Variants in RIN2 observed in about 807,000 individuals in gnomAD.
RIN2 encodes the protein Ras and Rab interactor 2, also known as RAB5 interacting protein 2.
RIN2 carries 36 observed loss-of-function variants against 78.0 expected under a neutral mutation model. That is an observed-to-expected ratio of 0.46 (90% CI 0.35 to 0.61). The LOEUF (loss-of-function observed/expected upper bound fraction) is 0.61, where lower values mean the gene tolerates loss of function less well. Ranked by LOEUF, RIN2 falls within the 20% of genes least tolerant of loss-of-function variation. RIN2 has a pLI of 0.00. For missense variants in RIN2, 1,087 were observed against 1,159.7 expected (o/e 0.94, Z 0.91); for synonymous variants, 466 against 466.8 (o/e 1.00, Z 0.02).
At chr20:19,924,448 T>C (rs377262406) in intron 3 of RIN2, among the ~76,000 whole-genome samples, 284 of 2,598 alleles carry the variant, frequency 0.11, no homozygotes, top group African/African-American at 0.21. Flanking sequence ...CTTCATACCC[T>C]CACCTTCATA....
chr20:19,788,784 T>C (rs761172725), intron 1 of RIN2, among the ~76,000 whole-genome samples: 1 of 152,008 alleles, frequency 6.6e-6, no homozygotes, highest in Non-Finnish European at 1.5e-5. Flanking sequence ...CCTAAATAGA[T>C]AGAAGGACAT....
intron 1 of RIN2, among the ~76,000 whole-genome samples, chr20:19,774,276 T>C (rs565023437): frequency 6.6e-6 from 1 of 152,282 alleles, no homozygotes; most frequent in South Asian, 2.1e-4. Context: ...AGCCCTGGGA[T>C]TGCTGAAGAG....
intron 2 of RIN2, among the ~76,000 whole-genome samples, chr20:19,820,475 C>A (rs972841741): frequency 6.6e-6 from 1 of 152,170 alleles, no homozygotes; most frequent in Non-Finnish European, 1.5e-5. Flanking sequence ...TTAGGAAATA[C>A]GAGAAGTGTG....
At chr20:19,839,101 G>A (rs986415415) in intron 2 of RIN2, among the ~76,000 whole-genome samples, 3 of 152,198 alleles carry the variant, frequency 2.0e-5, no homozygotes, top group African/African-American at 4.8e-5. Context: ...AGTGCTCAGC[G>A]CCTCATGGAT....
chr20:19,966,348 G>T (rs2041937753), intron 7 of RIN2, among the ~76,000 whole-genome samples: 1 of 150,220 alleles, frequency 6.7e-6, no homozygotes, highest in African/African-American at 2.4e-5. Flanking sequence ...TTGAGATGGA[G>T]TTTCACTTTT....
At chr20:19,835,012 A>AAAAGAGAGAGAGAAAAAAGAG (rs1568796446) in intron 2 of RIN2, among the ~76,000 whole-genome samples, 8 of 151,950 alleles carry the variant, frequency 5.3e-5, no homozygotes, top group African/African-American at 1.9e-4. Context: ...GAGAGAAAGA[A>AAAAGAGAGAGAGAAAAAAGAG]AAAGAGAGAG....
At chr20:19,887,434 G>A (rs922288134) in intron 2 of RIN2, among the ~76,000 whole-genome samples, 3 of 152,114 alleles carry the variant, frequency 2.0e-5, no homozygotes, top group African/African-American at 7.2e-5. Context: ...ACCTGCTGCT[G>A]CACCTGGCAG....
At chr20:19,864,758 C>T (rs532576806) in intron 2 of RIN2, among the ~76,000 whole-genome samples, 10 of 152,244 alleles carry the variant, frequency 6.6e-5, no homozygotes, top group African/African-American at 1.7e-4. Context: ...TACATATACT[C>T]GCTGCCTGTG....
intron 2 of RIN2, among the ~76,000 whole-genome samples, chr20:19,866,819 T>C (rs2037523007): frequency 6.6e-6 from 1 of 151,932 alleles, no homozygotes; most frequent in Non-Finnish European, 1.5e-5. Flanking sequence ...GAGATGGGGT[T>C]TCACTATGTT....
intron 2 of RIN2, among the ~76,000 whole-genome samples, chr20:19,885,690 CAAAAA>C (rs578245984): frequency 2.3e-5 from 3 of 132,610 alleles, no homozygotes; most frequent in Non-Finnish European, 4.9e-5. Flanking sequence ...AGCAAACAAA[CAAAAA>C]AAAAAACGAA....
At chr20:19,969,230 GT>G (rs2042028422) in intron 7 of RIN2, among the ~76,000 whole-genome samples, 1 of 152,188 alleles carries the variant, frequency 6.6e-6, no homozygotes, top group African/African-American at 2.4e-5. Flanking sequence ...ACAATAGGTT[GT>G]TTGGTATCAT....
intron 1 of RIN2, among the ~76,000 whole-genome samples, chr20:19,769,466 C>T (rs1443688522): frequency 1.3e-5 from 2 of 152,206 alleles, no homozygotes; most frequent in African/African-American, 2.4e-5. Context: ...AGGCACCTTC[C>T]CACCTCCATC....
intron 2 of RIN2, among the ~76,000 whole-genome samples, chr20:19,824,798 C>CGTT (rs1568786874): frequency 1.3e-5 from 2 of 152,134 alleles, no homozygotes; most frequent in African/African-American, 2.4e-5. Flanking sequence ...TACAGAAACT[C>CGTT]GGTTAGGTCC....
At chr20:19,854,662 C>T (rs1162535382) in intron 2 of RIN2, among the ~76,000 whole-genome samples, 1 of 152,134 alleles carries the variant, frequency 6.6e-6, no homozygotes, top group East Asian at 1.9e-4. Context: ...GTAGTTCACT[C>T]ATGATTTGGC....
chr20:19,993,987 T>C (rs1005546378), intron 11 of RIN2, among the ~76,000 whole-genome samples: 1 of 152,240 alleles, frequency 6.6e-6, no homozygotes, highest in African/African-American at 2.4e-5. Flanking sequence ...ACATTGCTTG[T>C]ATCTTGTGGC....
chr20:20,000,567 C>A, intron 12 of RIN2, 46 bp from the exon 13 acceptor site: 1 of 1,460,386 alleles, frequency 6.8e-7, no homozygotes, highest in Admixed American at 1.8e-5. Context: ...TGCTCACTAT[C>A]TAGTTTTCTC....
intron 10 of RIN2, 27 bp downstream of exon 10, chr20:19,990,338 G>T (rs769041049): frequency 6.3e-7 from 1 of 1,585,962 alleles, no homozygotes; most frequent in South Asian, 1.2e-5. Context: ...CCCAGGCTTC[G>T]TGCCGCTTCC....
At chr20:19,818,553 GA>G (rs760276481) in intron 2 of RIN2, among the ~76,000 whole-genome samples, 33 of 152,138 alleles carry the variant, frequency 2.2e-4, no homozygotes, top group Non-Finnish European at 4.1e-4. Context: ...CCAACATGGT[GA>G]AACCCTGTCT....
intron 1 of RIN2, among the ~76,000 whole-genome samples, chr20:19,792,620 G>A (rs1432203996): frequency 2.0e-5 from 3 of 152,180 alleles, no homozygotes; most frequent in Non-Finnish European, 4.4e-5. Flanking sequence ...GGGGCTAAAG[G>A]GGGGACAGTG....
Sources: gnomAD v4.1 joint callset for allele counts (sites outside exome capture counted in the v4.1 genomes callset) on GRCh38, gnomAD v4.1.1 for gene constraint, MANE v1.5 for transcripts, NCBI Gene and HGNC (gene_info 2026-07-23, HGNC 2026-07-21) for gene names.